FSTL5: variants seen among roughly 807,000 people sequenced by gnomAD.
FSTL5 encodes follistatin like 5, also known as follistatin-related protein 5.
Under a neutral mutation model 89.1 loss-of-function variants are expected in FSTL5, and 62 were observed. The ratio of observed to expected loss-of-function variants is 0.70; its 90% CI spans 0.57 to 0.86. The LOEUF is 0.86. Among genes scored for constraint, FSTL5 ranks in the 40% least tolerant of loss-of-function variants. The pLI is 0.00. For missense variants in FSTL5, 1,057 were observed against 1,001.6 expected (o/e 1.06, Z -0.75); for synonymous variants, 383 against 346.2 (o/e 1.11, Z -1.18).
intron 7 of FSTL5, among the ~76,000 whole-genome samples, chr4:161,640,172 C>T (rs1735899672): frequency 6.6e-6 from 1 of 152,054 alleles, no homozygotes; most frequent in Admixed American, 6.6e-5. Context: ...ACAATAAATA[C>T]ATTAAAAAGA....
intron 4 of FSTL5, among the ~76,000 whole-genome samples, chr4:161,870,152 C>A (rs1273933492): frequency 3.3e-5 from 5 of 152,026 alleles, no homozygotes; most frequent in Non-Finnish European, 7.4e-5. Context: ...GACTACAAAC[C>A]CCATAAGATA....
At chr4:161,838,339 C>T (rs538571349) in intron 4 of FSTL5, among the ~76,000 whole-genome samples, 2 of 152,326 alleles carry the variant, frequency 1.3e-5, no homozygotes, top group Admixed American at 1.3e-4. Context: ...AGCGCAGAGG[C>T]GTGATCTCAG....
At chr4:161,639,667 T>C (rs1735876072) in intron 7 of FSTL5, among the ~76,000 whole-genome samples, 1 of 152,146 alleles carries the variant, frequency 6.6e-6, no homozygotes, top group Non-Finnish European at 1.5e-5. Context: ...CAATTTGAGA[T>C]GAATTTCAGT....
At chr4:161,387,531 G>A (rs1024652118) in intron 15 of FSTL5, 4 of 151,918 alleles carry the variant, frequency 2.6e-5, no homozygotes, top group African/African-American at 9.7e-5. Flanking sequence ...ATTATGACAT[G>A]TAGTTTTATT....
chr4:161,847,803 A>G (rs1731416307), intron 4 of FSTL5, among the ~76,000 whole-genome samples: 1 of 151,928 alleles, frequency 6.6e-6, no homozygotes, highest in African/African-American at 2.4e-5. Flanking sequence ...TTGGGAGGCC[A>G]GGGCGGGAAG....
chr4:161,905,715 C>A (rs984726991), intron 4 of FSTL5, among the ~76,000 whole-genome samples: 42 of 152,204 alleles, frequency 2.8e-4, no homozygotes, highest in African/African-American at 9.1e-4. Flanking sequence ...GACACTGAAC[C>A]TTCCAAGTGC....
rs1383813113 is a variant in FSTL5, at chr4:161,589,826, A to C, written c.895-2251T>G. On this transcript the variant is annotated intron_variant, in intron 7 of 15. Transcript: ENST00000306100. ...CACACAAACGTGCAGGACTGTGTGAATGCTCAGCAGAGATGTGTGAATCCC... is the reference window on the plus strand; with the variant it reads ...CACACAAACGTGCAGGACTGTGTGACTGCTCAGCAGAGATGTGTGAATCCC... Among the ~76,000 whole-genome samples the C allele has an allele frequency of 2.0e-5, 3 of 151,984 alleles. No homozygotes were observed. The East Asian group carries it at 5.8e-4, about 30-fold the overall frequency.
intron 6 of FSTL5, among the ~76,000 whole-genome samples, chr4:161,726,915 AT>A (rs1579051125): frequency 8.9e-4 from 30 of 33,846 alleles, no homozygotes; most frequent in East Asian, 4.5e-3. Context: ...AAAAAAAAAT[AT>A]ATATATATAT....
intron 4 of FSTL5, among the ~76,000 whole-genome samples, chr4:161,913,946 A>T (rs560281952): frequency 6.6e-6 from 1 of 152,066 alleles, no homozygotes; most frequent in Non-Finnish European, 1.5e-5. Context: ...TGGACTGTGG[A>T]CTTTTGGGTT....
intron 7 of FSTL5, among the ~76,000 whole-genome samples, chr4:161,639,156 A>G (rs1474340876): frequency 6.6e-6 from 1 of 152,166 alleles, no homozygotes; most frequent in Admixed American, 6.5e-5. Flanking sequence ...GTTGTTAAGC[A>G]ATTAAACCAC....
At chr4:162,053,557 C>T (rs1272979846) in intron 2 of FSTL5, among the ~76,000 whole-genome samples, 1 of 151,438 alleles carries the variant, frequency 6.6e-6, no homozygotes, top group Non-Finnish European at 1.5e-5. Flanking sequence ...ACTATGCTCC[C>T]CCAAATTTCA....
chr4:161,428,029 T>A (rs62325054), intron 15 of FSTL5, among the ~76,000 whole-genome samples: 16,559 of 152,164 alleles, frequency 0.11, 896 homozygotes, highest in Non-Finnish European at 0.12. Flanking sequence ...CCCTCATCCC[T>A]CAGCAGCAGC....
At chr4:161,538,458 C>G (rs555683342) in intron 9 of FSTL5, among the ~76,000 whole-genome samples, 158 bp from the exon 10 acceptor site, 37 of 152,284 alleles carry the variant, frequency 2.4e-4, no homozygotes, top group African/African-American at 8.9e-4. Flanking sequence ...ATTCCAGAAG[C>G]ATTCAAATGT....
intron 4 of FSTL5, among the ~76,000 whole-genome samples, chr4:161,795,849 A>C (rs1249571445): frequency 6.6e-6 from 1 of 151,940 alleles, no homozygotes; most frequent in East Asian, 1.9e-4. Flanking sequence ...CTAAAGCTTT[A>C]TACTATAGTT....
Position 161,736,223 on chromosome 4 carries a change from T to G in FSTL5, c.727+23188A>C, listed in dbSNP as rs150432831. Among the ~76,000 whole-genome samples, 39 of 152,352 alleles carry G rather than the reference T, an allele frequency of 2.6e-4. No individual in the cohort carries two copies. The Middle Eastern group carries it at 0.01, about 40-fold the overall frequency. Reference sequence around the variant, plus strand: ...TACAATTACCAAAATGAAAGCTCAATGCTATATGACTATTTAGAAGATAGT... The same window carrying G: ...TACAATTACCAAAATGAAAGCTCAAGGCTATATGACTATTTAGAAGATAGT... On this transcript the variant is annotated intron_variant, in intron 6 of 15. Transcript: ENST00000306100.
intron 8 of FSTL5, among the ~76,000 whole-genome samples, chr4:161,571,907 C>G (rs1202754849): frequency 1.3e-5 from 2 of 152,126 alleles, no homozygotes; most frequent in Non-Finnish European, 2.9e-5. Context: ...TTTCCTTCCC[C>G]CAAAAGGCTT....
intron 12 of FSTL5, among the ~76,000 whole-genome samples, chr4:161,493,197 A>T (rs1729943115): frequency 6.6e-6 from 1 of 151,804 alleles, no homozygotes; most frequent in Non-Finnish European, 1.5e-5. Flanking sequence ...TTGTAAATCT[A>T]ATCCATGAGT....
intron 4 of FSTL5, among the ~76,000 whole-genome samples, chr4:161,843,661 T>C (rs1233077607): frequency 6.6e-6 from 1 of 152,118 alleles, no homozygotes; most frequent in Non-Finnish European, 1.5e-5. Flanking sequence ...CTATCTGATC[T>C]TTGACAAACC....
intron 11 of FSTL5, 131 bp from the exon 12 acceptor site, chr4:161,500,265 C>T: frequency 1.7e-6 from 1 of 587,246 alleles, no homozygotes; most frequent in South Asian, 2.2e-5. Context: ...TAAAGCAAAC[C>T]ATATGGGACC....
Sources: allele counts gnomAD v4.1 joint callset (sites outside exome capture counted in the v4.1 genomes callset), GRCh38; gene constraint gnomAD v4.1.1; transcripts MANE v1.5; gene names NCBI Gene and HGNC (gene_info 2026-07-23, HGNC 2026-07-21).